DYSF: variants seen among roughly 807,000 people sequenced by gnomAD.
The protein encoded by DYSF is dysferlin.
In DYSF, 212 loss-of-function variants were observed where a neutral mutation model predicts 274.9. The observed-to-expected ratio is 0.77, with a 90% CI of 0.69 to 0.86. The LOEUF (loss-of-function observed/expected upper bound fraction) is 0.86. Ranked by LOEUF, DYSF falls within the 40% of genes least tolerant of loss-of-function variation. The pLI is 0.00. For missense variants in DYSF, 2,666 were observed against 2,783.2 expected (o/e 0.96, Z 0.95); for synonymous variants, 1,091 against 1,078.7 (o/e 1.01, Z -0.22).
chr2:71,516,927 G>A (rs2086716162), intron 9 of DYSF, 62 bp from the exon 10 acceptor site: 1 of 1,460,888 alleles, frequency 6.8e-7, no homozygotes, highest in Non-Finnish European at 9.6e-7. Context: ...AAGAGCTATT[G>A]GGTTGGCCGT....
intron 17 of DYSF, 102 bp from the exon 18 acceptor site, chr2:71,550,939 G>T (rs983116866): frequency 1.1e-6 from 1 of 934,410 alleles, no homozygotes; most frequent in Non-Finnish European, 1.8e-6. Context: ...CATGTGGGGG[G>T]GAACTGAGGG....
intron 41 of DYSF, among the ~76,000 whole-genome samples, chr2:71,622,144 T>TG (rs1173856349): frequency 1.1e-5 from 1 of 93,862 alleles, no homozygotes; most frequent in Admixed American, 1.1e-4. Flanking sequence ...TTTTTTTTTT[T>TG]TTGTTACGCC....
chr2:71,562,954 A>T (rs1335484065), intron 23 of DYSF, among the ~76,000 whole-genome samples: 1 of 152,190 alleles, frequency 6.6e-6, no homozygotes, highest in Admixed American at 6.5e-5. Context: ...GGAAGGGGTT[A>T]AGGTCGAACA....
intron 32 of DYSF, among the ~76,000 whole-genome samples, chr2:71,596,786 T>C (rs552723634): frequency 6.6e-6 from 1 of 152,328 alleles, no homozygotes; most frequent in Admixed American, 6.5e-5. Flanking sequence ...TTGTGCCTGA[T>C]GGCTGTCAGG....
At chr2:71,499,926 C>G (rs1573541716) in intron 3 of DYSF, among the ~76,000 whole-genome samples, 1 of 152,176 alleles carries the variant, frequency 6.6e-6, no homozygotes, top group African/African-American at 2.4e-5. Flanking sequence ...CATAGCTGGC[C>G]CTGTGCAGGA....
chr2:71,489,252 C>G (rs1361619540), intron 3 of DYSF, among the ~76,000 whole-genome samples: 1 of 152,086 alleles, frequency 6.6e-6, no homozygotes, highest in Non-Finnish European at 1.5e-5. Context: ...TGACCCAGCC[C>G]TCTCCCACCA....
In DYSF at chr2:71,623,728, C is replaced by T. The variant is rs147023786; in HGVS notation, c.4527+3119C>T. Among the ~76,000 whole-genome samples the T allele has an allele frequency of 2.0e-5, 3 of 152,094 alleles. No individual in the cohort carries two copies. The East Asian group carries it at 5.8e-4, about 29-fold the overall frequency. ...CCTCTTAAAGTTTAAGATGCCCTTC[C>T]ACCTTTTATGTTATCTCACTTGTAC... On this transcript the variant is annotated intron_variant, in intron 41 of 55. Coordinates refer to ENST00000410020, the MANE Select transcript of DYSF (RefSeq NM_001130987.2).
At chr2:71,525,431 G>A (rs1452939148) in intron 12 of DYSF, among the ~76,000 whole-genome samples, 1 of 152,050 alleles carries the variant, frequency 6.6e-6, no homozygotes, top group Non-Finnish European at 1.5e-5. Context: ...CCCCATGTTA[G>A]CGAGCTGGTC....
Position 71,466,896 on chromosome 2 carries a change from C to A in DYSF, c.54C>A (p.Asp18Glu). 6.5e-7 allele frequency: 1 copy of A among 1,550,106 alleles called. No individual in the cohort carries two copies. Among genetic ancestry groups the A allele is most frequent in the Admixed American group, 2.0e-5 (1 of 50,988 alleles). ...GCAACCTCCCCAGTGCGAAGAAGGA[C>A]CGGCGCAGCGACCCTGTCGCAAGCC... is the stretch of plus-strand genomic sequence containing the variant. Reference protein sequence around the residue: ...RASNLPSAKKDRRSDPVASLT... With the variant: ...RASNLPSAKKERRSDPVASLT... The change falls in exon 1 of 56, where the codon GAC becomes GAA. Residue 18 changes from aspartate (D) to glutamate (E), a missense_variant. Physicochemically the swap from Asp to Glu is conservative, Grantham distance 45. Coordinates refer to ENST00000410020, the MANE Select transcript of DYSF (RefSeq NM_001130987.2).
At chr2:71,534,291 G>A (rs1025411249) in intron 14 of DYSF, among the ~76,000 whole-genome samples, 3 of 152,222 alleles carry the variant, frequency 2.0e-5, no homozygotes, top group Admixed American at 6.5e-5. Context: ...ACCAGGATCT[G>A]TGTATCTGAA....
intron 13 of DYSF, 72 bp downstream of exon 13, chr2:71,526,418 T>TGGGGGGGGGGGGGGGTG: frequency 3.8e-6 from 1 of 261,492 alleles, no homozygotes; most frequent in Non-Finnish European, 7.0e-6. Flanking sequence ...GGGTGGGCGA[T>TGGGGGGGGGGGGGGGTG]GGCGGGCGGG....
chr2:71,526,455 G>A (rs960478393), intron 13 of DYSF, 109 bp downstream of exon 13: 9 of 1,454,280 alleles, frequency 6.2e-6, no homozygotes, highest in African/African-American at 1.4e-5. Context: ...AAGGAGAGGC[G>A]TCTAGGAAAA....
rs142640543 is a variant in DYSF at position 71,470,331 on chromosome 2, C to T, written c.91+3398C>T. Among the ~76,000 whole-genome samples the T allele has an allele frequency of 9.1e-3, 1,388 of 151,976 alleles. 15 individuals are homozygous for T. Among genetic ancestry groups the T allele is most frequent in the African/African-American group, 0.03 (1,238 of 41,446 alleles). On this transcript the variant is annotated intron_variant, in intron 1 of 55. Transcript: ENST00000410020. ...ATGTAGGGAAAGTGGGCTGAAGGCCCCGGACTCTCTGAACCTAGCTGTTTA... is the reference window on the plus strand; with the variant it reads ...ATGTAGGGAAAGTGGGCTGAAGGCCTCGGACTCTCTGAACCTAGCTGTTTA...
chr2:71,563,198 G>A (rs574293192), intron 23 of DYSF, among the ~76,000 whole-genome samples: 1 of 152,344 alleles, frequency 6.6e-6, no homozygotes, highest in Non-Finnish European at 1.5e-5. Context: ...CACATATTTG[G>A]AGTCAGAAAA....
chr2:71,500,605 C>T (rs1026251543), intron 3 of DYSF, among the ~76,000 whole-genome samples: 8 of 152,118 alleles, frequency 5.3e-5, no homozygotes, highest in African/African-American at 1.7e-4. Context: ...GACCCACTTC[C>T]GGGAATTCTC....
chr2:71,484,835 G>A (rs1046752055), intron 3 of DYSF, among the ~76,000 whole-genome samples: 2 of 152,228 alleles, frequency 1.3e-5, no homozygotes, highest in Non-Finnish European at 1.5e-5. Flanking sequence ...AACGGTAAGT[G>A]AGGGCCACAC....
At chr2:71,614,408 G>A (rs1435513694) in intron 40 of DYSF, among the ~76,000 whole-genome samples, 2 of 152,226 alleles carry the variant, frequency 1.3e-5, no homozygotes, top group Non-Finnish European at 2.9e-5. Context: ...GAAGCCCTGT[G>A]TTCCATCTCT....
chr2:71,568,222 C>A lies in DYSF; in HGVS notation c.2748C>A (p.Gly916=). The stretch of plus-strand genomic sequence containing the variant: ...TTGTTGGGAACTGGGGCACAACGGG[C>A]CTCACCTACCCCAAGTTTTCTGACG... ...LALVGNWGTT[G]LTYPKFSDVT... Residue 916 remains glycine, a synonymous_variant, in exon 26 of 56, where the codon GGC becomes GGA. Transcript: ENST00000410020. 6.2e-7 allele frequency: 1 copy of A among 1,614,236 alleles called. No individual in the cohort carries two copies. Among genetic ancestry groups the A allele is most frequent in the Non-Finnish European group, 8.5e-7 (1 of 1,180,050 alleles).
chr2:71,526,318 G>A lies in DYSF; in HGVS notation c.1248G>A (p.Lys416=). 1.9e-6 allele frequency: 3 copies of A among 1,614,190 alleles called. No individual in the cohort carries two copies. The highest frequency in any genetic ancestry group is 2.5e-6 in the Non-Finnish European group (3 of 1,180,004). Reference sequence around the variant, plus strand: ...TGCGAGGAGCCCACTTCTGCCTGAAGGTCTTCCGGGCCGAGGACTTGCCGC... The same window carrying A: ...TGCGAGGAGCCCACTTCTGCCTGAAAGTCTTCCGGGCCGAGGACTTGCCGC... ...VALRGAHFCL[K]VFRAEDLPQM... Residue 416 remains lysine, a synonymous_variant, in exon 13 of 56, where the codon AAG becomes AAA. Transcript: ENST00000410020.
Sources: gnomAD v4.1 joint callset for allele counts (sites outside exome capture counted in the v4.1 genomes callset) on GRCh38, gnomAD v4.1.1 for gene constraint, MANE v1.5 for transcripts, NCBI Gene and HGNC (gene_info 2026-07-23, HGNC 2026-07-21) for gene names.